Variants in SLX4IP observed in about 807,000 individuals in gnomAD.
SLX4IP encodes the protein protein SLX4IP.
Under a neutral mutation model 32.9 loss-of-function variants are expected in SLX4IP, and 34 were observed. The observed-to-expected ratio is 1.03, with a 90% CI of 0.79 to 1.38. The LOEUF is 1.38. Ranked by LOEUF, SLX4IP falls within the 40% of genes most tolerant of loss-of-function variation. The pLI, the probability that SLX4IP is intolerant of heterozygous loss-of-function variation, is 0.00. For missense variants in SLX4IP, 444 were observed against 479.0 expected, an observed-to-expected ratio of 0.93 and a Z score of 0.68; for synonymous variants, 172 against 171.7, an observed-to-expected ratio of 1.00 and a Z score of -0.01.
chr20:10,448,842 T>G (rs1646202723), intron 1 of SLX4IP, among the ~76,000 whole-genome samples: 1 of 152,278 alleles, frequency 6.6e-6, no homozygotes, highest in South Asian at 2.1e-4. Flanking sequence ...TAATAAAGAT[T>G]CAGTATATTT....
chr20:10,552,763 C>T (rs1402489816), intron 2 of SLX4IP, among the ~76,000 whole-genome samples: 1 of 151,966 alleles, frequency 6.6e-6, no homozygotes, highest in Non-Finnish European at 1.5e-5. Flanking sequence ...TAGGTTAATT[C>T]TTCAGCAAGC....
chr20:10,518,353 C>A (rs999139196), intron 2 of SLX4IP, among the ~76,000 whole-genome samples: 1 of 107,128 alleles, frequency 9.3e-6, no homozygotes, highest in Non-Finnish European at 2.4e-5. Context: ...CTTTCTTTCT[C>A]TCTTTCTTTC....
intron 2 of SLX4IP, among the ~76,000 whole-genome samples, chr20:10,545,677 C>G (rs2066156249): frequency 1.3e-5 from 2 of 152,124 alleles, no homozygotes; most frequent in South Asian, 4.1e-4. Context: ...AATTATTTTA[C>G]CTATAAACAA....
At chr20:10,579,094 G>A (rs560704572) in intron 4 of SLX4IP, among the ~76,000 whole-genome samples, 1 of 152,044 alleles carries the variant, frequency 6.6e-6, no homozygotes, top group Non-Finnish European at 1.5e-5. Flanking sequence ...ATTCATCTAT[G>A]TTGTTGTTGT....
chr20:10,526,120 C>T (rs2065938449), intron 2 of SLX4IP, among the ~76,000 whole-genome samples: 1 of 152,174 alleles, frequency 6.6e-6, no homozygotes, highest in African/African-American at 2.4e-5. Context: ...ATGCGCACAT[C>T]ACATTGCACT....
At chr20:10,491,545 T>C (rs1208003668) in intron 2 of SLX4IP, among the ~76,000 whole-genome samples, 2 of 152,218 alleles carry the variant, frequency 1.3e-5, no homozygotes, top group Non-Finnish European at 2.9e-5. Flanking sequence ...TAACCATCTT[T>C]TTAGCAATTA....
At chr20:10,545,376 G>C (rs1358027570) in intron 2 of SLX4IP, among the ~76,000 whole-genome samples, 2 of 152,086 alleles carry the variant, frequency 1.3e-5, no homozygotes, top group African/African-American at 4.8e-5. Context: ...TTTGTCTCCT[G>C]TAAAGGTCAC....
chr20:10,519,434 T>A (rs1004935225), intron 2 of SLX4IP, among the ~76,000 whole-genome samples: 1 of 152,248 alleles, frequency 6.6e-6, no homozygotes, highest in African/African-American at 2.4e-5. Context: ...AAAAAATTGC[T>A]TGTTATGGAC....
chr20:10,604,510 G>A (rs190529475), intron 6 of SLX4IP, among the ~76,000 whole-genome samples: 1 of 152,374 alleles, frequency 6.6e-6, no homozygotes, highest in African/African-American at 2.4e-5. Context: ...AAGGAAGCCA[G>A]CTGCACTTAG....
intron 2 of SLX4IP, among the ~76,000 whole-genome samples, chr20:10,475,235 T>C (rs2065465558): frequency 6.6e-6 from 1 of 152,192 alleles, no homozygotes; most frequent in Non-Finnish European, 1.5e-5. Context: ...GAATTTAACA[T>C]TGAAAAACAT....
At chr20:10,518,412 C>T (rs543317243) in intron 2 of SLX4IP, among the ~76,000 whole-genome samples, 31 of 112,872 alleles carry the variant, frequency 2.7e-4, no homozygotes, top group East Asian at 2.0e-3. Flanking sequence ...TCTTTCCTTC[C>T]TTCCTTCCTT....
At position 10,585,756 on chromosome 20, in the gene SLX4IP, A is replaced by G. The variant is rs564661159; in HGVS notation, c.239-12919A>G. 4.6e-5 allele frequency among the ~76,000 whole-genome samples: 7 copies of G among 152,020 alleles called. No homozygotes were observed. The East Asian group carries it at 9.7e-4, about 21-fold the overall frequency. On this transcript the variant is annotated intron_variant, in intron 4 of 7. Transcript: ENST00000334534. ...CAGTTGCACACCACCACACCCAGCT[A>G]ATTTTTATATTTTTAGTAGAGACAG...
chr20:10,569,656 C>T (rs1428817957), intron 4 of SLX4IP, among the ~76,000 whole-genome samples: 4 of 152,070 alleles, frequency 2.6e-5, no homozygotes, highest in South Asian at 4.1e-4. Context: ...TCTCCTCCCT[C>T]GTCTTCACAT....
chr20:10,559,927 T>G (rs2066312492), intron 3 of SLX4IP, among the ~76,000 whole-genome samples: 1 of 152,208 alleles, frequency 6.6e-6, no homozygotes, highest in South Asian at 2.1e-4. Flanking sequence ...ATAGGATTAG[T>G]GATTTCCAGT....
chr20:10,496,136 T>C (rs2065665659), intron 2 of SLX4IP, among the ~76,000 whole-genome samples: 1 of 152,172 alleles, frequency 6.6e-6, no homozygotes, highest in Non-Finnish European at 1.5e-5. Flanking sequence ...CCATTCTTTT[T>C]CTTTTTAAAT....
chr20:10,562,271 G>A (rs575170381), intron 4 of SLX4IP, among the ~76,000 whole-genome samples: 33 of 152,136 alleles, frequency 2.2e-4, no homozygotes, highest in Non-Finnish European at 1.5e-5. Flanking sequence ...ATGGGTGCAA[G>A]GTTTTACTGA....
At chr20:10,541,530 T>A (rs1219557489) in intron 2 of SLX4IP, among the ~76,000 whole-genome samples, 1 of 152,240 alleles carries the variant, frequency 6.6e-6, no homozygotes, top group Non-Finnish European at 1.5e-5. Flanking sequence ...TATTAACCAA[T>A]TTAATTAGAA....
chr20:10,480,263 C>G (rs898588011), intron 2 of SLX4IP, among the ~76,000 whole-genome samples: 5 of 152,008 alleles, frequency 3.3e-5, no homozygotes, highest in Non-Finnish European at 7.4e-5. Flanking sequence ...GGCATGGTGG[C>G]ATGCACCTGT....
At chr20:10,584,441 A>G (rs2066621870) in intron 4 of SLX4IP, among the ~76,000 whole-genome samples, 1 of 152,244 alleles carries the variant, frequency 6.6e-6, no homozygotes, top group Admixed American at 6.5e-5. Flanking sequence ...TTGTCTTCTA[A>G]GAACTCTGCA....
Sources: gnomAD v4.1 joint callset for allele counts (sites outside exome capture counted in the v4.1 genomes callset) on GRCh38, gnomAD v4.1.1 for gene constraint, MANE v1.5 for transcripts, NCBI Gene and HGNC (gene_info 2026-07-23, HGNC 2026-07-21) for gene names.